Variants in LINGO1 observed in about 807,000 individuals in gnomAD.
LINGO1 encodes the protein leucine-rich repeat and immunoglobulin-like domain-containing nogo receptor-interacting protein 1.
LINGO1 carries 11 observed loss-of-function variants against 37.3 expected under a neutral mutation model. That is an observed-to-expected ratio of 0.29 (90% CI 0.19 to 0.49). The LOEUF (loss-of-function observed/expected upper bound fraction) is 0.49, where lower values mean the gene tolerates loss of function less well. Among genes scored for constraint, LINGO1 ranks in the 20% least tolerant of loss-of-function variants. LINGO1 has a pLI of 0.99. For synonymous variants in LINGO1, 387 were observed against 403.0 expected (o/e 0.96, Z 0.48); for missense variants, 585 against 878.2 (o/e 0.67, Z 4.22).
chr15:77,716,641 C>T (rs2075988829), intron 2 of LINGO1, among the ~76,000 whole-genome samples: 1 of 150,398 alleles, frequency 6.6e-6, no homozygotes. Flanking sequence ...ACCAGTTCAT[C>T]GCCTGAGTGT....
In LINGO1 at chr15:77,755,781, C is replaced by G. The variant is rs2076413121; in HGVS notation, c.-256-20728G>C. Reference sequence around the variant, plus strand: ...TCTGTGCCTTTGTCAGTGGCCCCACCCCACCTGGCTGCCTCCCTGTCTCCC... The same window carrying G: ...TCTGTGCCTTTGTCAGTGGCCCCACGCCACCTGGCTGCCTCCCTGTCTCCC... On this transcript the variant is annotated intron_variant, in intron 1 of 3. Transcript: ENST00000561686. Among the ~76,000 whole-genome samples the G allele has an allele frequency of 2.6e-5, 4 of 152,184 alleles. No homozygotes were observed. In the South Asian group the frequency reaches 8.3e-4, roughly 31 times the overall value.
intron 1 of LINGO1, among the ~76,000 whole-genome samples, chr15:77,780,395 T>C (rs2076704085): frequency 6.6e-6 from 1 of 151,608 alleles, no homozygotes; most frequent in Non-Finnish European, 1.5e-5. Context: ...CCACCTATCA[T>C]ACACCAAGGT....
intron 2 of LINGO1, chr15:77,734,876 A>AG (rs1005277827): frequency 6.6e-6 from 1 of 152,388 alleles, no homozygotes. Flanking sequence ...GGGAAGGGAA[A>AG]GGGGGGTCCA....
At chr15:77,659,588 T>A (rs1444263666) in intron 3 of LINGO1, among the ~76,000 whole-genome samples, 2 of 152,106 alleles carry the variant, frequency 1.3e-5, no homozygotes, top group Non-Finnish European at 2.9e-5. Context: ...GTGAGGTCAG[T>A]TCAGAACCAT....
intron 1 of LINGO1, among the ~76,000 whole-genome samples, chr15:77,693,007 C>T (rs772720634): frequency 1.6e-4 from 25 of 152,194 alleles, no homozygotes; most frequent in African/African-American, 4.6e-4. Flanking sequence ...CTCCTACGCA[C>T]GCAGGGCTTC....
At position 77,816,702 on chromosome 15, in the gene LINGO1, T is replaced by A. The variant is rs75956254; in HGVS notation, c.-458+3556A>T. Among the ~76,000 whole-genome samples the A allele has an allele frequency of 9.2e-5, 14 of 152,198 alleles. No individual in the cohort carries two copies. In the East Asian group the frequency reaches 2.5e-3, roughly 27 times the overall value. On this transcript the variant is annotated intron_variant, in intron 1 of 5. Coordinates refer to the LINGO1 transcript ENST00000562933. ...GCTGGAATTTTCATCCCCGGCAGAATAGACCAGGGGCCAAATAAGTGCCCC... is the reference window on the plus strand; with the variant it reads ...GCTGGAATTTTCATCCCCGGCAGAAAAGACCAGGGGCCAAATAAGTGCCCC...
At chr15:77,708,626 C>T (rs763027409) in intron 2 of LINGO1, among the ~76,000 whole-genome samples, 18 of 152,172 alleles carry the variant, frequency 1.2e-4, no homozygotes, top group Non-Finnish European at 4.4e-5. Context: ...TCAACTTGGC[C>T]GGGCGCGGTG....
At chr15:77,719,739 A>C (rs959154611) in intron 2 of LINGO1, among the ~76,000 whole-genome samples, 20 of 149,220 alleles carry the variant, frequency 1.3e-4, no homozygotes, top group African/African-American at 4.9e-4. Flanking sequence ...CATATATACA[A>C]TCTCATTCAC....
chr15:77,774,938 G>A (rs1015129069), intron 1 of LINGO1, among the ~76,000 whole-genome samples: 1 of 152,138 alleles, frequency 6.6e-6, no homozygotes, highest in Admixed American at 6.5e-5. Flanking sequence ...TCCTGCCCCG[G>A]AGAGGCCAAC....
intron 3 of LINGO1, chr15:77,652,266 C>T (rs2074773680): frequency 6.6e-6 from 1 of 152,174 alleles, no homozygotes; most frequent in Non-Finnish European, 1.5e-5. Context: ...GCTTCATTAA[C>T]AATAAAGTGC....
At position 77,711,958 on chromosome 15, in the gene LINGO1, G is replaced by A. The variant is rs138528315; in HGVS notation, c.-194-21057C>T. On this transcript the variant is annotated intron_variant, in intron 2 of 3. Coordinates refer to the LINGO1 transcript ENST00000561686. ...CAGGCTGATGTGCTCCCTGCTCCTC[G>A]GGGCTCTTCTAGACCTCAGGTCCAG... Among the ~76,000 whole-genome samples, 691 of 152,202 alleles carry A rather than the reference G, an allele frequency of 4.5e-3. 5 individuals are homozygous for A. Among genetic ancestry groups the A allele is most frequent in the African/African-American group, 0.016 (659 of 41,528 alleles).
At chr15:77,702,069 A>G (rs1293619021) in intron 2 of LINGO1, among the ~76,000 whole-genome samples, 1 of 152,274 alleles carries the variant, frequency 6.6e-6, no homozygotes, top group African/African-American at 2.4e-5. Context: ...TGGTGCCTGA[A>G]GGCCCACACT....
chr15:77,721,913 C>CT (rs980297842), intron 2 of LINGO1, among the ~76,000 whole-genome samples: 19 of 152,086 alleles, frequency 1.2e-4, no homozygotes, highest in Admixed American at 1.0e-3. Context: ...ACATGACCCC[C>CT]CAAAGCGTGA....
intron 1 of LINGO1, among the ~76,000 whole-genome samples, chr15:77,777,080 T>C (rs1030701704): frequency 4.6e-5 from 7 of 152,170 alleles, no homozygotes; most frequent in African/African-American, 9.7e-5. Context: ...ACGACCCTCA[T>C]TGCTGACATA....
intron 2 of LINGO1, among the ~76,000 whole-genome samples, chr15:77,722,056 CAGGGTG>C (rs2076055831): frequency 6.6e-6 from 1 of 152,214 alleles, no homozygotes; most frequent in Non-Finnish European, 1.5e-5. Context: ...TCTGCACCTG[CAGGGTG>C]ACATGTGTGT....
chr15:77,779,600 G>A (rs2076695261), intron 1 of LINGO1, among the ~76,000 whole-genome samples: 1 of 151,992 alleles, frequency 6.6e-6, no homozygotes, highest in South Asian at 2.1e-4. Context: ...TCACAATAGG[G>A]TTCTCGCTCC....
intron 2 of LINGO1, among the ~76,000 whole-genome samples, chr15:77,679,109 A>C (rs4372660): frequency 0.4 from 61,445 of 151,856 alleles, 13,168 homozygotes; most frequent in African/African-American, 0.55. Context: ...CCATGTTGGC[A>C]GGGCTGGTCT....
At chr15:77,671,171 A>G (rs34450017) in intron 3 of LINGO1, among the ~76,000 whole-genome samples, 114,891 of 151,712 alleles carry the variant, frequency 0.76, 44,532 homozygotes, top group African/African-American at 0.93. Flanking sequence ...CTGACTGTGG[A>G]GCCCTACCCA....
At chr15:77,708,255 AAGG>A (rs927084441) in intron 2 of LINGO1, among the ~76,000 whole-genome samples, 2 of 152,170 alleles carry the variant, frequency 1.3e-5, no homozygotes, top group Admixed American at 6.5e-5. Context: ...AAGCCCTGGG[AAGG>A]AGGACAGACA....
Sources: allele counts gnomAD v4.1 joint callset (sites outside exome capture counted in the v4.1 genomes callset), GRCh38; gene constraint gnomAD v4.1.1; transcripts MANE v1.5; gene names NCBI Gene and HGNC (gene_info 2026-07-23, HGNC 2026-07-21).